WDR81: variants seen among roughly 807,000 people sequenced by gnomAD.
The protein encoded by WDR81 is WD repeat-containing protein 81.
Under a neutral mutation model 140.8 loss-of-function variants are expected in WDR81, and 92 were observed. That is an observed-to-expected ratio of 0.65 (90% CI 0.55 to 0.78). The LOEUF is 0.78. Ranked by LOEUF, WDR81 falls within the 30% of genes least tolerant of loss-of-function variation. The pLI, the probability that WDR81 is intolerant of heterozygous loss-of-function variation, is 0.00. For missense variants in WDR81, 2,502 were observed against 2,636.4 expected (o/e 0.95, Z 1.12); for synonymous variants, 1,183 against 1,156.4 (o/e 1.02, Z -0.47).
rs752673941 is a variant in WDR81, at chr17:1,725,477, C to T, written c.518C>T (p.Ala173Val). ...AGCCCTGCCCCCTCAGCTGTCCCTG[C>T]CTTGGACTCAGTACGGCAGGCTCTG... ...SHSPAPSAVP[A>V]LDSVRQALQR... is the part of the protein sequence containing the mutation. The change falls in exon 1 of 10, where the codon GCC becomes GTC. Residue 173 changes from alanine (A) to valine (V), a missense_variant. By Grantham distance (64) the Ala-to-Val change is moderately conservative. Coordinates refer to ENST00000409644, the MANE Select transcript of WDR81 (RefSeq NM_001163809.2). The T allele has an allele frequency of 3.2e-6, 5 of 1,548,640 alleles. No homozygotes were observed. The highest frequency in any genetic ancestry group is 1.2e-5 in the South Asian group (1 of 84,058).
upstream of WDR81, among the ~76,000 whole-genome samples, chr17:1,722,668 C>A (rs1343617912): frequency 1.4e-5 from 2 of 147,720 alleles, no homozygotes; most frequent in African/African-American, 5.0e-5. Flanking sequence ...TCCTATCAGG[C>A]CTAGTTTTCT....
At position 1,735,946 on chromosome 17, in the gene WDR81, C is replaced by T. The variant is rs955462384; in HGVS notation, c.5326-93C>T. 1 of 1,495,448 alleles carries T rather than the reference C, an allele frequency of 6.7e-7. No individual in the cohort carries two copies. Among genetic ancestry groups the T allele is most frequent in the Non-Finnish European group, 8.9e-7 (1 of 1,123,016 alleles). The allele number at this position is 1,495,448 out of a possible 1,614,324, so 92.6% of individuals were successfully genotyped here. ...CCCTGATGAGGGTCAGAGGCTCAGGCCTTCCTGCTGTGTGGGCTTGGGTGG... is the reference window on the plus strand; with the variant it reads ...CCCTGATGAGGGTCAGAGGCTCAGGTCTTCCTGCTGTGTGGGCTTGGGTGG... On this transcript the variant is annotated intron_variant, in intron 8 of 9. Transcript: ENST00000409644. This position sits in a 1 kb window ranked among gnomAD's most constrained non-coding sequence, Gnocchi z 4.2.
chr17:1,725,228 T>C lies in WDR81; in HGVS notation c.269T>C (p.Leu90Pro), dbSNP rs535861886. The change falls in exon 1 of 10, where the codon CTC becomes CCC. Residue 90 changes from leucine to proline, a missense_variant. By Grantham distance (98) the Leu-to-Pro change is moderately conservative. Transcript: ENST00000409644. ...CTGGGAGAAGCGGAAGTCAGGACTC[T>C]CCTGCAGCGCTCTGTGCAAAGGCTG... The part of the protein sequence containing the change: ...EGLGEAEVRT[L>P]LQRSVQRLPA... 218 of 1,540,478 alleles carry C rather than the reference T, an allele frequency of 1.4e-4. No individual in the cohort carries two copies. Among genetic ancestry groups the C allele is most frequent in the Admixed American group, 3.5e-4 (18 of 51,012 alleles).
chr17:1,737,295 G>A, intron 9 of WDR81, 70 bp from the exon 10 acceptor site: 1 of 1,455,538 alleles, frequency 6.9e-7, no homozygotes, highest in Non-Finnish European at 9.2e-7. Context: ...AGGGAACTGG[G>A]AAGGCCTTGG....
In WDR81 at chr17:1,726,915, G is replaced by T; in HGVS notation, c.1956G>T (p.Pro652=). 1 of 1,550,432 alleles carries T rather than the reference G, an allele frequency of 6.4e-7. No homozygotes were observed. Among genetic ancestry groups the T allele is most frequent in the Middle Eastern group, 1.7e-4 (1 of 5,992 alleles). The part of the protein sequence containing the change: ...PCEASWTRDR[P]VAGEDDLEQA... Reference sequence around the variant, plus strand: ...AGGCTAGCTGGACCAGAGACAGGCCGGTGGCAGGAGAAGACGACTTGGAAC... The same window carrying T: ...AGGCTAGCTGGACCAGAGACAGGCCTGTGGCAGGAGAAGACGACTTGGAAC... Residue 652 remains proline (P), a synonymous_variant, in exon 1 of 10, where the codon CCG becomes CCT. Coordinates refer to ENST00000409644, the MANE Select transcript of WDR81 (RefSeq NM_001163809.2).
chr17:1,731,714 C>T (rs539844635), intron 4 of WDR81, among the ~76,000 whole-genome samples: 8 of 151,456 alleles, frequency 5.3e-5, no homozygotes, highest in Admixed American at 2.0e-4. Context: ...CCCACCTGGC[C>T]AACATGGTGA....
At chr17:1,730,600 G>T (rs1226411089) in intron 2 of WDR81, 113 bp downstream of exon 2, 3 of 1,406,060 alleles carry the variant, frequency 2.1e-6, no homozygotes, top group Non-Finnish European at 2.9e-6. Flanking sequence ...CCACCCCCCG[G>T]CCAGGTGCTG....
chr17:1,729,288 T>C (rs1451158295), intron 1 of WDR81, among the ~76,000 whole-genome samples: 1 of 151,896 alleles, frequency 6.6e-6, no homozygotes, highest in Non-Finnish European at 1.5e-5. Context: ...GAGACCAGCC[T>C]GGCCAACATG....
At chr17:1,732,185 C>T (rs1027933040) in intron 4 of WDR81, 140 bp from the exon 5 acceptor site, 28 of 1,194,942 alleles carry the variant, frequency 2.3e-5, no homozygotes, top group Admixed American at 5.5e-5. Flanking sequence ...TGCAGTGAGC[C>T]GAGATCGCAC....
In WDR81 at chr17:1,726,278, A is replaced by G. The variant is rs1489131111; in HGVS notation, c.1319A>G (p.His440Arg). 6.5e-7 allele frequency: 1 copy of G among 1,540,166 alleles called. No individual in the cohort carries two copies. The highest frequency in any genetic ancestry group is 8.8e-7 in the Non-Finnish European group (1 of 1,140,986). The stretch of plus-strand genomic sequence containing the variant: ...GGGGAACCCCCTCATGTTCCCCACC[A>G]CATCTCAGACGTGCTCTCCGACATC... ...GGGEPPHVPHHISDVLSDITY... is the reference protein window; with the variant it reads ...GGGEPPHVPHRISDVLSDITY... Residue 440 changes from histidine (H) to arginine (R), a missense_variant, in exon 1 of 10, where the codon CAC becomes CGC. By Grantham distance (29) the His-to-Arg change is conservative. Coordinates refer to ENST00000409644, the MANE Select transcript of WDR81 (RefSeq NM_001163809.2).
chr17:1,721,464 C>T (rs541841725), upstream of WDR81, among the ~76,000 whole-genome samples: 16 of 149,568 alleles, frequency 1.1e-4, no homozygotes, highest in African/African-American at 3.9e-4. Context: ...AGGCTGCAGT[C>T]AGCTGTGACA....
At position 1,727,203 on chromosome 17, in the gene WDR81, G is replaced by T. The variant is rs916184361; in HGVS notation, c.2244G>T (p.Leu748=). The change falls in exon 1 of 10, where the codon CTG becomes CTT. Residue 748 remains leucine (L), a synonymous_variant. Coordinates refer to ENST00000409644, the MANE Select transcript of WDR81 (RefSeq NM_001163809.2). ...GNFLAKGLGG[L]LEVPEQPRVQ... is the part of the protein sequence containing the mutation. ...TCTTGGCCAAAGGCCTAGGGGGCCT[G>T]TTGGAGGTGCCTGAGCAGCCCCGGG... 3.2e-6 allele frequency: 5 copies of T among 1,550,026 alleles called. No individual in the cohort carries two copies. The highest frequency in any genetic ancestry group is 3.5e-6 in the Non-Finnish European group (4 of 1,146,698).
chr17:1,724,908 C>T lies in WDR81; in HGVS notation c.-52C>T. 1.5e-6 allele frequency: 2 copies of T among 1,305,984 alleles called. No homozygotes were observed. The highest frequency in any genetic ancestry group is 1.9e-6 in the Non-Finnish European group (2 of 1,030,472). 80.9% of individuals were successfully genotyped at this position (1,305,984 alleles called of 1,614,324 possible). Reference sequence around the variant, plus strand: ...CTGGCACCCCGGAAGCCGTCGCCAGCAGGGCCGTGGCTGGGCTCAGCCCCG... The same window carrying T: ...CTGGCACCCCGGAAGCCGTCGCCAGTAGGGCCGTGGCTGGGCTCAGCCCCG... On this transcript the variant is annotated 5_prime_UTR_variant, in exon 1 of 10. Coordinates refer to ENST00000409644, the MANE Select transcript of WDR81 (RefSeq NM_001163809.2).
At position 1,734,212 on chromosome 17, in the gene WDR81, C is replaced by T. The variant is rs755682274; in HGVS notation, c.5175C>T (p.Phe1725=). The T allele has an allele frequency of 6.3e-6, 10 of 1,578,174 alleles. No homozygotes were observed. In the Admixed American group the frequency reaches 1.4e-4, roughly 22 times the overall value. The change falls in exon 7 of 10, where the codon TTC becomes TTT. Residue 1725 remains phenylalanine, a synonymous_variant. Coordinates refer to ENST00000409644, the MANE Select transcript of WDR81 (RefSeq NM_001163809.2). ...CDGAVHVWDP[F]TGKTLRTVEP... is the part of the protein sequence containing the mutation. ...GGGCTGTGCACGTCTGGGACCCCTT[C>T]ACAGGTGAGCGGGCCCAGGTGAGGC...
At position 1,725,272 on chromosome 17, in the gene WDR81, G is replaced by A. The variant is rs572880682; in HGVS notation, c.313G>A (p.Val105Met). 52 of 1,545,724 alleles carry A rather than the reference G, an allele frequency of 3.4e-5. No homozygotes were observed. The highest frequency in any genetic ancestry group is 4.9e-5 in the East Asian group (2 of 40,920). ...VQRLPAGWTRVEVHGLRKRRL... is the reference protein window; with the variant it reads ...VQRLPAGWTRMEVHGLRKRRL... Reference sequence around the variant, plus strand: ...AAGGCTGCCTGCCGGCTGGACGCGCGTGGAGGTGCATGGGCTGCGGAAGCG... The same window carrying A: ...AAGGCTGCCTGCCGGCTGGACGCGCATGGAGGTGCATGGGCTGCGGAAGCG... The change falls in exon 1 of 10, where the codon GTG (valine) becomes ATG (methionine). Residue 105 changes from valine (V) to methionine (M), a missense_variant. This residue lies in a region of WDR81 where 547 missense variants were observed against 513.8 expected (regional missense o/e 1.06). Coordinates refer to ENST00000409644, the MANE Select transcript of WDR81 (RefSeq NM_001163809.2).
Position 1,737,859 on chromosome 17 carries a change from G to T in WDR81, c.*174G>T. 1 of 807,768 alleles carries T rather than the reference G, an allele frequency of 1.2e-6. No individual in the cohort carries two copies. The highest frequency in any genetic ancestry group is 1.9e-6 in the Non-Finnish European group (1 of 527,792). 50.0% of individuals were successfully genotyped at this position (807,768 alleles called of 1,614,324 possible). A position where few individuals can be genotyped will look rare whatever the true frequency, so the allele number is the denominator to read the frequency against. ...ATGGAGTGGGGGAGTCCTGGCCCCT[G>T]AATCACCAGAGCCACCAAGCCTGCC... On this transcript the variant is annotated 3_prime_UTR_variant, in exon 10 of 10. Transcript: ENST00000409644.
upstream of WDR81, among the ~76,000 whole-genome samples, chr17:1,720,015 A>ATAGATTTAATTAGAAAACACCTAGCG (rs1227855138): frequency 1.6e-4 from 25 of 152,268 alleles, no homozygotes; most frequent in African/African-American, 5.3e-4. Flanking sequence ...AACACCTAGC[A>ATAGATTTAATTAGAAAACACCTAGCG]TAGATTTAAT....
upstream of WDR81, among the ~76,000 whole-genome samples, chr17:1,722,142 A>G (rs1287392009): frequency 6.6e-6 from 1 of 152,074 alleles, no homozygotes; most frequent in Non-Finnish European, 1.5e-5. Context: ...AAATCTTCTT[A>G]AAAGGGGTGG....
Position 1,725,735 on chromosome 17 carries a change from A to G in WDR81, c.776A>G (p.Lys259Arg). 6.4e-7 allele frequency: 1 copy of G among 1,550,592 alleles called. No individual in the cohort carries two copies. The highest frequency in any genetic ancestry group is 8.7e-7 in the Non-Finnish European group (1 of 1,147,040). ...GCCAAGCTGACCAACAGCCAGGCCA[A>G]GGTGCTGTTCATTCTCTTCCGCGTG... ...SPAKLTNSQA[K>R]VLFILFRVLR... Residue 259 changes from lysine (K) to arginine (R), a missense_variant, in exon 1 of 10, where the codon AAG becomes AGG. Lys to Arg is a conservative substitution (Grantham distance 26, BLOSUM62 2). Coordinates refer to ENST00000409644, the MANE Select transcript of WDR81 (RefSeq NM_001163809.2).
Sources: gnomAD v4.1 joint callset for allele counts (sites outside exome capture counted in the v4.1 genomes callset) on GRCh38, gnomAD v4.1.1 for gene constraint, gnomAD v4.1.1 regional missense constraint, Gnocchi (gnomAD v3.1) non-coding constraint, MANE v1.5 for transcripts, NCBI Gene and HGNC (gene_info 2026-07-23, HGNC 2026-07-21) for gene names.